The following ABRAXAS1 variants were observed in gnomAD, a reference collection of about 807,000 sequenced individuals.
ABRAXAS1 encodes BRCA1-A complex subunit Abraxas 1.
A neutral mutation model predicts 38.4 loss-of-function variants in ABRAXAS1; 26 were observed. The ratio of observed to expected loss-of-function variants is 0.68; its 90% confidence interval spans 0.50 to 0.94. The LOEUF (loss-of-function observed/expected upper bound fraction) is 0.94, where lower values mean the gene tolerates loss of function less well. Ranked by LOEUF, ABRAXAS1 falls within the 40% of genes least tolerant of loss-of-function variation. The pLI is 0.00. For missense variants in ABRAXAS1, 438 were observed against 481.9 expected (o/e 0.91, Z 0.85); for synonymous variants, 144 against 165.5 (o/e 0.87, Z 1.00).
chr4:83,472,355 A>G, intron 3 of ABRAXAS1, 67 bp from the exon 4 acceptor site: 1 of 1,002,252 alleles, frequency 1.0e-6, no homozygotes, highest in Non-Finnish European at 1.4e-6. Context: ...TTAGTATTTT[A>G]AATTTTAGTT....
intron 1 of ABRAXAS1, among the ~76,000 whole-genome samples, chr4:83,484,393 T>C (rs940125714): frequency 2.0e-5 from 3 of 152,264 alleles, no homozygotes; most frequent in African/African-American, 4.8e-5. Flanking sequence ...ATAGAACTTT[T>C]AGAAAATAGG....
chr4:83,482,691 G>C (rs1723041552), intron 1 of ABRAXAS1, among the ~76,000 whole-genome samples: 1 of 152,092 alleles, frequency 6.6e-6, no homozygotes, highest in African/African-American at 2.4e-5. Flanking sequence ...GTGAGACTCT[G>C]CCTCAAAAGA....
chr4:83,470,357 G>C lies in ABRAXAS1; in HGVS notation c.322C>G (p.Gln108Glu), dbSNP rs573603690. The C allele has an allele frequency of 9.3e-6, 15 of 1,613,626 alleles. No homozygotes were observed. The African/African-American group carries it at 1.9e-4, about 20-fold the overall frequency. ...AGCCTCTCTCTAAACGTCATGATCT[G>C]ATCTGAATGACGACGGAATTTGTAC... ...GWYKFRRHSD[Q>E]IMTFRERLLH... The change falls in exon 5 of 9, where the codon CAG becomes GAG. Residue 108 changes from glutamine (Q) to glutamate (E), a missense_variant. Physicochemically the swap from Gln to Glu is conservative, Grantham distance 29. Around this residue, in one of 3 missense-constraint regions of ABRAXAS1, gnomAD observed 194 missense variants for 269.0 expected, o/e 0.72. Coordinates refer to ENST00000321945, the MANE Select transcript of ABRAXAS1 (RefSeq NM_139076.3).
In ABRAXAS1 at chr4:83,462,592, T is replaced by TC. The variant is rs587780262; in HGVS notation, c.1106dup (p.Ser370IlefsTer2). The TC allele has an allele frequency of 4.7e-5, 76 of 1,614,066 alleles. No individual in the cohort carries two copies. The highest frequency in any genetic ancestry group is 4.6e-5 in the Non-Finnish European group (54 of 1,180,034). ...TACTACTACCAGTATCTGCTTTAGA[T>TC]CGTTTGTCTTGTGTATCTAACAACC... On this transcript the variant is annotated frameshift_variant, in exon 9 of 9. Coordinates refer to ENST00000321945, the MANE Select transcript of ABRAXAS1 (RefSeq NM_139076.3). LOFTEE classifies it low-confidence loss of function (END_TRUNC).
Position 83,481,855 on chromosome 4 carries a change from T to C in ABRAXAS1, c.178+299A>G, listed in dbSNP as rs544611631. ...ACTTCTGCCTCTCAGGTTCAAGCAA[T>C]TCTCGTGCCTCAGCCTCCCAAGTAA... On this transcript the variant is annotated intron_variant, in intron 2 of 8. Coordinates refer to ENST00000321945, the MANE Select transcript of ABRAXAS1 (RefSeq NM_139076.3). Among the ~76,000 whole-genome samples the C allele has an allele frequency of 1.1e-4, 16 of 152,306 alleles. No individual in the cohort carries two copies. The East Asian group carries it at 1.7e-3, about 17-fold the overall frequency.
chr4:83,465,203 A>G lies in ABRAXAS1; in HGVS notation c.682-1595T>C, dbSNP rs530293313. On this transcript the variant is annotated intron_variant, in intron 7 of 8. Transcript: ENST00000321945. ...CTCAGCTACTTGGGAGGCTGAGACAAGAGAATCTCTTGAACCAGGGAGGCG... is the reference window on the plus strand; with the variant it reads ...CTCAGCTACTTGGGAGGCTGAGACAGGAGAATCTCTTGAACCAGGGAGGCG... 4.0e-5 allele frequency among the ~76,000 whole-genome samples: 6 copies of G among 149,874 alleles called. No homozygotes were observed. In the East Asian group the frequency reaches 8.2e-4, roughly 20 times the overall value.
rs2110032568 is a variant in ABRAXAS1, at chr4:83,462,333, G to A, written c.*136C>T. The A allele has an allele frequency of 2.8e-6, 2 of 727,096 alleles. No homozygotes were observed. The highest frequency in any genetic ancestry group is 5.4e-5 in the Admixed American group (2 of 37,252). The allele number at this position is 727,096 out of a possible 1,614,324, so 45.0% of individuals were successfully genotyped here. ...GAAGTAAATGCACTAAGAGTTATCT[G>A]TGTATTACTGCAAACAGGTGAACAT... On this transcript the variant is annotated 3_prime_UTR_variant, in exon 9 of 9. Transcript: ENST00000321945.
intron 1 of ABRAXAS1, chr4:83,484,102 A>T: frequency 1.1e-6 from 1 of 943,458 alleles, no homozygotes; most frequent in Non-Finnish European, 1.3e-6. Flanking sequence ...TCGTGGGCTC[A>T]GGTGATTCAC....
At position 83,461,279 on chromosome 4, in the gene ABRAXAS1, A is replaced by G. The variant is rs1722103538; in HGVS notation, c.*1190T>C. The G allele has an allele frequency of 8.3e-7, 1 of 1,208,434 alleles. No homozygotes were observed. The highest frequency in any genetic ancestry group is 1.2e-6 in the Non-Finnish European group (1 of 817,590). The allele number at this position is 1,208,434 out of a possible 1,614,324, so 74.9% of individuals were successfully genotyped here. A position where few individuals can be genotyped will look rare whatever the true frequency, so the allele number is the denominator to read the frequency against. On this transcript the variant is annotated 3_prime_UTR_variant, in exon 9 of 9. Transcript: ENST00000321945. ...AATACTGACTCAAACCAACCTTTGGATAGAAAAGTGTTTGAGGAGTGAGGT... is the reference window on the plus strand; with the variant it reads ...AATACTGACTCAAACCAACCTTTGGGTAGAAAAGTGTTTGAGGAGTGAGGT...
intron 3 of ABRAXAS1, among the ~76,000 whole-genome samples, chr4:83,472,888 A>G (rs1358501559): frequency 2.0e-5 from 3 of 152,236 alleles, no homozygotes; most frequent in Non-Finnish European, 4.4e-5. Flanking sequence ...TTCCCTTCCA[A>G]TAACAGAGAC....
rs963401517 is a variant in ABRAXAS1, at chr4:83,477,938, G to A, written c.179-1259C>T. Reference sequence around the variant, plus strand: ...TTCCACTATAGCCAATCCCACCGATGTTCTAAAGATTCGAATGCAGGCTCA... The same window carrying A: ...TTCCACTATAGCCAATCCCACCGATATTCTAAAGATTCGAATGCAGGCTCA... On this transcript the variant is annotated intron_variant, in intron 2 of 8. Transcript: ENST00000321945. The A allele has an allele frequency of 1.7e-5, 14 of 842,494 alleles. No individual in the cohort carries two copies. In the African/African-American group the frequency reaches 2.4e-4, roughly 14 times the overall value. The allele number at this position is 842,494 out of a possible 1,614,324, so 52.2% of individuals were successfully genotyped here.
rs1407660264 is a variant in ABRAXAS1 at position 83,468,632 on chromosome 4, T to C, written c.596+400A>G. Among the ~76,000 whole-genome samples the C allele has an allele frequency of 2.6e-5, 4 of 152,214 alleles. No individual in the cohort carries two copies. The East Asian group carries it at 5.8e-4, about 22-fold the overall frequency. ...TTAGAAAATTATAATTTTTAGGCTATATACTTATTCTAACCTAGAATAGAT... is the reference window on the plus strand; with the variant it reads ...TTAGAAAATTATAATTTTTAGGCTACATACTTATTCTAACCTAGAATAGAT... On this transcript the variant is annotated intron_variant, in intron 6 of 8. Coordinates refer to ENST00000321945, the MANE Select transcript of ABRAXAS1 (RefSeq NM_139076.3).
At chr4:83,466,388 T>C (rs569936939) in intron 7 of ABRAXAS1, among the ~76,000 whole-genome samples, 17 of 152,194 alleles carry the variant, frequency 1.1e-4, no homozygotes, top group Non-Finnish European at 2.4e-4. Context: ...GAGGGAAGTA[T>C]ACTGTTCCCA....
At chr4:83,463,424 C>G in intron 8 of ABRAXAS1, 70 bp downstream of exon 8, 1 of 1,156,928 alleles carries the variant, frequency 8.6e-7, no homozygotes, top group Non-Finnish European at 1.2e-6. Flanking sequence ...CAGAGCGAGA[C>G]TCCGTCTCAA....
Position 83,470,464 on chromosome 4 carries a change from A to G in ABRAXAS1, c.283-68T>C, listed in dbSNP as rs796478814. 3.5e-6 allele frequency: 4 copies of G among 1,134,796 alleles called. No homozygotes were observed. In the African/African-American group the frequency reaches 6.4e-5, roughly 18 times the overall value. The allele number at this position is 1,134,796 out of a possible 1,614,324, so 70.3% of individuals were successfully genotyped here. A position where few individuals can be genotyped will look rare whatever the true frequency, so the allele number is the denominator to read the frequency against. ...ATGATATGTCTTACTATTATAATTA[A>G]ATAAAATAAACAACCTTAAAATGGC... is the stretch of plus-strand genomic sequence containing the variant. On this transcript the variant is annotated intron_variant, in intron 4 of 8. Coordinates refer to ENST00000321945, the MANE Select transcript of ABRAXAS1 (RefSeq NM_139076.3).
At position 83,461,678 on chromosome 4, in the gene ABRAXAS1, C is replaced by A; in HGVS notation, c.*791G>T. 1 of 255,500 alleles carries A rather than the reference C, an allele frequency of 3.9e-6. No homozygotes were observed. The highest frequency in any genetic ancestry group is 7.7e-6 in the Non-Finnish European group (1 of 130,182). The allele number at this position is 255,500 out of a possible 1,614,324, so 15.8% of individuals were successfully genotyped here. A position where few individuals can be genotyped will look rare whatever the true frequency, so the allele number is the denominator to read the frequency against. Reference sequence around the variant, plus strand: ...CCTAATAGACATTGAATATGATAGACATACATGTATATATGTATCAGTTCT... The same window carrying A: ...CCTAATAGACATTGAATATGATAGAAATACATGTATATATGTATCAGTTCT... On this transcript the variant is annotated 3_prime_UTR_variant, in exon 9 of 9. Coordinates refer to ENST00000321945, the MANE Select transcript of ABRAXAS1 (RefSeq NM_139076.3).
intron 7 of ABRAXAS1, among the ~76,000 whole-genome samples, chr4:83,466,544 T>G (rs1722363363): frequency 6.6e-6 from 1 of 151,874 alleles, no homozygotes; most frequent in Non-Finnish European, 1.5e-5. Context: ...CACTAGTTTT[T>G]TTTTTTTTTG....
intron 2 of ABRAXAS1, chr4:83,477,596 C>A: frequency 2.0e-6 from 1 of 494,954 alleles, no homozygotes. Context: ...CGCCTTGCCT[C>A]TATCACTGCT....
chr4:83,477,452 C>T (rs774683210), intron 2 of ABRAXAS1: 23 of 291,782 alleles, frequency 7.9e-5, no homozygotes, highest in Middle Eastern at 1.2e-3. Flanking sequence ...TTAATGCTTC[C>T]GGGTTGCCAC....
Sources: allele counts gnomAD v4.1 joint callset (sites outside exome capture counted in the v4.1 genomes callset), GRCh38; gene constraint gnomAD v4.1.1; regional missense constraint gnomAD v4.1.1; transcripts MANE v1.5; gene names NCBI Gene and HGNC (gene_info 2026-07-23, HGNC 2026-07-21).